CSMD1: variants seen among roughly 807,000 people sequenced by gnomAD.
CSMD1 encodes the protein CUB and Sushi multiple domains 1, also known as CUB and sushi domain-containing protein 1.
A neutral mutation model predicts 417.5 loss-of-function variants in CSMD1; 213 were observed. That is an observed-to-expected ratio of 0.51 (90% CI 0.46 to 0.57). CSMD1 has a LOEUF of 0.57. Among genes scored for constraint, CSMD1 ranks in the 20% least tolerant of loss-of-function variants. The pLI, the probability that CSMD1 is intolerant of heterozygous loss-of-function variation, is 0.00. For missense variants in CSMD1, 6,923 were observed against 4,529.7 expected (o/e 1.53, Z -15.17); for synonymous variants, 2,862 against 1,736.8 (o/e 1.65, Z -16.11).
chr8:4,066,241 C>CAATGT (rs1799241495), intron 3 of CSMD1, among the ~76,000 whole-genome samples: 1 of 152,206 alleles, frequency 6.6e-6, no homozygotes, highest in Non-Finnish European at 1.5e-5. Flanking sequence ...CCTTCTTTGT[C>CAATGT]TCCTGTTCCC....
In CSMD1 at chr8:4,227,687, A is replaced by G. The variant is rs918912789; in HGVS notation, c.415+192266T>C. On this transcript the variant is annotated intron_variant, in intron 3 of 69. Coordinates refer to ENST00000635120, the MANE Select transcript of CSMD1 (RefSeq NM_033225.6). Reference sequence around the variant, plus strand: ...CTGGCAGACACAGCCTCCATCCTACATTAAACCCCACACCTGGAGACACAC... The same window carrying G: ...CTGGCAGACACAGCCTCCATCCTACGTTAAACCCCACACCTGGAGACACAC... Among the ~76,000 whole-genome samples the G allele has an allele frequency of 5.3e-5, 8 of 152,088 alleles. No individual in the cohort carries two copies. In the East Asian group the frequency reaches 1.6e-3, roughly 29 times the overall value.
chr8:3,128,526 A>G (rs565199546), intron 41 of CSMD1: 6 of 259,906 alleles, frequency 2.3e-5, no homozygotes, highest in Middle Eastern at 1.6e-3. Context: ...AGGAGTTATT[A>G]ATTATAAGCT....
intron 4 of CSMD1, among the ~76,000 whole-genome samples, chr8:3,999,732 G>T (rs961506010): frequency 3.9e-5 from 6 of 152,124 alleles, no homozygotes; most frequent in Non-Finnish European, 8.8e-5. Flanking sequence ...CTTTAGAATG[G>T]ACGTCTTTGA....
chr8:4,800,110 C>G (rs1043687929), intron 1 of CSMD1, among the ~76,000 whole-genome samples: 1 of 152,032 alleles, frequency 6.6e-6, no homozygotes, highest in Non-Finnish European at 1.5e-5. Flanking sequence ...TAAAGCGTAT[C>G]CTTTTTGTTT....
chr8:4,812,220 G>C (rs565023097), intron 1 of CSMD1, among the ~76,000 whole-genome samples: 3 of 152,282 alleles, frequency 2.0e-5, no homozygotes, highest in South Asian at 2.1e-4. Flanking sequence ...ACGTCTCTAA[G>C]TGAGACACAA....
At chr8:3,335,868 A>G (rs1433252621) in intron 23 of CSMD1, among the ~76,000 whole-genome samples, 1 of 152,146 alleles carries the variant, frequency 6.6e-6, no homozygotes, top group African/African-American at 2.4e-5. Context: ...AGGTGAATTC[A>G]TGGATGGAAG....
chr8:4,107,619 A>G (rs558195087), intron 3 of CSMD1, among the ~76,000 whole-genome samples: 1 of 152,306 alleles, frequency 6.6e-6, no homozygotes, highest in South Asian at 2.1e-4. Flanking sequence ...GAGCGACTCA[A>G]ACTGCATGTA....
intron 5 of CSMD1, among the ~76,000 whole-genome samples, chr8:3,960,789 G>T (rs2627484): frequency 1.3e-5 from 2 of 151,438 alleles, no homozygotes; most frequent in Non-Finnish European, 2.9e-5. Context: ...TGTAGAAACT[G>T]GAAAATTACA....
chr8:4,283,570 G>A (rs956866478), intron 3 of CSMD1, among the ~76,000 whole-genome samples: 8 of 152,142 alleles, frequency 5.3e-5, no homozygotes, highest in African/African-American at 1.9e-4. Context: ...ATAGTTAAAA[G>A]TCTTCAACAT....
chr8:3,733,232 C>T (rs913911155), intron 6 of CSMD1, among the ~76,000 whole-genome samples: 7 of 147,016 alleles, frequency 4.8e-5, no homozygotes, highest in Non-Finnish European at 1.0e-4. Context: ...CATACACATA[C>T]ATATATTACA....
intron 2 of CSMD1, among the ~76,000 whole-genome samples, chr8:4,533,220 A>G (rs1038578465): frequency 2.0e-5 from 3 of 152,200 alleles, no homozygotes; most frequent in African/African-American, 7.2e-5. Flanking sequence ...TAAACATGTA[A>G]AGAGCTCAGT....
At chr8:3,439,009 C>G (rs1377533827) in intron 12 of CSMD1, among the ~76,000 whole-genome samples, 1 of 149,848 alleles carries the variant, frequency 6.7e-6, no homozygotes, top group Non-Finnish European at 1.5e-5. Context: ...CAAATCCCAG[C>G]TACCCAGGAG....
intron 5 of CSMD1, among the ~76,000 whole-genome samples, chr8:3,863,548 T>C (rs139048115): frequency 6.6e-6 from 1 of 152,214 alleles, no homozygotes; most frequent in African/African-American, 2.4e-5. Context: ...ACACCAACAT[T>C]CAGACCACAG....
In CSMD1 at chr8:3,237,263, C is replaced by T. The variant is rs574086158; in HGVS notation, c.4154-7032G>A. On this transcript the variant is annotated intron_variant, in intron 26 of 69. Transcript: ENST00000635120. ...CGAGTGGATCAAAAGGTCAGCAGTT[C>T]GAGACCAGTCTGACCAACATGGTGA... 9.2e-4 allele frequency among the ~76,000 whole-genome samples: 140 copies of T among 151,584 alleles called. 1 individual carries two copies. Among genetic ancestry groups the T allele is most frequent in the African/African-American group, 3.2e-3 (131 of 41,312 alleles).
rs577967971 is a variant in CSMD1, at chr8:3,360,166, C to T, written c.3116-826G>A. ...CCTCTGTTTATTTTCAATCTGTAAA[C>T]CATGTGAGATTGAAAAGTAGTAGAC... On this transcript the variant is annotated intron_variant, in intron 20 of 69. Transcript: ENST00000635120. Among the ~76,000 whole-genome samples, 12 of 152,200 alleles carry T rather than the reference C, an allele frequency of 7.9e-5. No homozygotes were observed. In the South Asian group the frequency reaches 1.9e-3, roughly 24 times the overall value.
Position 3,583,652 on chromosome 8 carries a change from A to G in CSMD1, c.1222+2484T>C, listed in dbSNP as rs11994081. Among the ~76,000 whole-genome samples the G allele has an allele frequency of 4.0e-3, 606 of 152,138 alleles. 1 individual carries two copies. Among genetic ancestry groups the G allele is most frequent in the African/African-American group, 0.014 (565 of 41,514 alleles). Reference sequence around the variant, plus strand: ...CTGAGGGGAGGACTATCAAACAAACAGGAATCAGGGCTGGGTGATTTTGAA... The same window carrying G: ...CTGAGGGGAGGACTATCAAACAAACGGGAATCAGGGCTGGGTGATTTTGAA... On this transcript the variant is annotated intron_variant, in intron 9 of 69. Coordinates refer to ENST00000635120, the MANE Select transcript of CSMD1 (RefSeq NM_033225.6).
At chr8:3,649,157 G>A (rs190067934) in intron 7 of CSMD1, among the ~76,000 whole-genome samples, 185 of 152,136 alleles carry the variant, frequency 1.2e-3, no homozygotes, top group African/African-American at 4.3e-3. Flanking sequence ...CCTTTATTTA[G>A]TCTGTGAAAA....
chr8:3,974,581 C>A (rs1240298168), intron 5 of CSMD1, among the ~76,000 whole-genome samples: 1 of 151,866 alleles, frequency 6.6e-6, no homozygotes, highest in Non-Finnish European at 1.5e-5. Flanking sequence ...TAGTGGCAAT[C>A]CTTTTTCTAA....
chr8:4,896,796 T>A (rs940414978), intron 1 of CSMD1, among the ~76,000 whole-genome samples: 3 of 151,622 alleles, frequency 2.0e-5, no homozygotes, highest in Non-Finnish European at 2.9e-5. Context: ...TCCAGCGGGG[T>A]AGGGCGGGGG....
Sources: gnomAD v4.1 joint callset for allele counts (sites outside exome capture counted in the v4.1 genomes callset) on GRCh38, gnomAD v4.1.1 for gene constraint, MANE v1.5 for transcripts, NCBI Gene and HGNC (gene_info 2026-07-23, HGNC 2026-07-21) for gene names.